The following SRGAP1 variants were observed in gnomAD, a reference collection of about 807,000 sequenced individuals.
SRGAP1 encodes SLIT-ROBO Rho GTPase-activating protein 1.
SRGAP1 carries 43 observed loss-of-function variants against 121.9 expected under a neutral mutation model. That is an observed-to-expected ratio of 0.35 (90% CI 0.28 to 0.46). The LOEUF is 0.46. Among genes scored for constraint, SRGAP1 ranks in the 20% least tolerant of loss-of-function variants. The pLI, the probability that SRGAP1 is intolerant of heterozygous loss-of-function variation, is 1.00. For synonymous variants in SRGAP1, 447 were observed against 485.4 expected, an observed-to-expected ratio of 0.92 and a Z score of 1.04; for missense variants, 1,102 against 1,350.9, an observed-to-expected ratio of 0.82 and a Z score of 2.89.
At chr12:63,853,613 C>T (rs1461018868) in intron 1 of SRGAP1, among the ~76,000 whole-genome samples, 1 of 152,190 alleles carries the variant, frequency 6.6e-6, no homozygotes, top group East Asian at 1.9e-4. Flanking sequence ...TGAGCACCTA[C>T]AGTGAGCCAG....
chr12:63,937,929 G>T (rs1031684213), intron 1 of SRGAP1, among the ~76,000 whole-genome samples: 17 of 152,232 alleles, frequency 1.1e-4, no homozygotes, highest in African/African-American at 4.1e-4. Context: ...CCGTGGCACG[G>T]TTGGCCTGGA....
intron 1 of SRGAP1, among the ~76,000 whole-genome samples, chr12:63,850,392 A>T (rs1269987532): frequency 1.3e-5 from 2 of 151,616 alleles, no homozygotes; most frequent in Non-Finnish European, 2.9e-5. Context: ...GACAGCTTCA[A>T]GTCTGTTCTA....
chr12:64,092,990 C>T (rs967653549), intron 12 of SRGAP1, among the ~76,000 whole-genome samples: 2 of 152,178 alleles, frequency 1.3e-5, no homozygotes, highest in African/African-American at 2.4e-5. Context: ...GAGCTCTTCA[C>T]AGCCCAGATG....
At chr12:64,139,958 A>G (rs2036930392) in intron 21 of SRGAP1, among the ~76,000 whole-genome samples, 1 of 151,758 alleles carries the variant, frequency 6.6e-6, no homozygotes, top group South Asian at 2.1e-4. Flanking sequence ...CTTTCTCCAT[A>G]TGGCTAGCCA....
At chr12:63,895,008 G>A (rs1900709398) in intron 1 of SRGAP1, among the ~76,000 whole-genome samples, 1 of 152,258 alleles carries the variant, frequency 6.6e-6, no homozygotes, top group East Asian at 1.9e-4. Context: ...TGGGATGGCT[G>A]GGTCAAATGG....
intron 3 of SRGAP1, among the ~76,000 whole-genome samples, chr12:64,007,288 G>T (rs1177699517): frequency 1.3e-5 from 2 of 152,118 alleles, no homozygotes; most frequent in African/African-American, 4.8e-5. Flanking sequence ...AAGGGCAAGG[G>T]GATAGTTTCG....
chr12:64,034,852 C>A (rs2034862899), intron 4 of SRGAP1, among the ~76,000 whole-genome samples: 1 of 152,124 alleles, frequency 6.6e-6, no homozygotes, highest in African/African-American at 2.4e-5. Context: ...ACTACTCAAA[C>A]TGAATTGTCC....
At chr12:63,976,202 A>T (rs1385935338) in intron 1 of SRGAP1, among the ~76,000 whole-genome samples, 1 of 152,190 alleles carries the variant, frequency 6.6e-6, no homozygotes, top group Non-Finnish European at 1.5e-5. Context: ...CAATTTGCAA[A>T]GCTGACCTGT....
chr12:64,088,039 A>C (rs1056352095), intron 11 of SRGAP1, among the ~76,000 whole-genome samples: 1 of 152,192 alleles, frequency 6.6e-6, no homozygotes, highest in African/African-American at 2.4e-5. Flanking sequence ...GCATTTTTGA[A>C]ATTGAGTTCT....
intron 4 of SRGAP1, among the ~76,000 whole-genome samples, chr12:64,039,948 C>CGTAA (rs10701219): frequency 0.24 from 35,855 of 151,942 alleles, 4,498 homozygotes; most frequent in Non-Finnish European, 0.28. Flanking sequence ...TTTCCAATTA[C>CGTAA]ACACGGCTCA....
Position 64,147,222 on chromosome 12 carries a change from G to T in SRGAP1, c.*4550G>T. On this transcript the variant is annotated 3_prime_UTR_variant, in exon 22 of 22. Transcript: ENST00000355086. ...CTTTCCTGTCGGTTTGATCAATTGC[G>T]GTACCGGTAGCTTCCTGCTTGTGAC... 2.9e-6 allele frequency: 1 copy of T among 342,630 alleles called. No homozygotes were observed. Among genetic ancestry groups the T allele is most frequent in the Non-Finnish European group, 5.3e-6 (1 of 190,364 alleles). The allele number at this position is 342,630 out of a possible 1,614,324, so 21.2% of individuals were successfully genotyped here. A position where few individuals can be genotyped will look rare whatever the true frequency, so the allele number is the denominator to read the frequency against.
chr12:64,139,665 C>T (rs532365822), intron 21 of SRGAP1, among the ~76,000 whole-genome samples: 70 of 151,214 alleles, frequency 4.6e-4, no homozygotes, highest in South Asian at 2.3e-3. Context: ...GAGTAGGTTG[C>T]GAAAATTTTC....
intron 1 of SRGAP1, among the ~76,000 whole-genome samples, chr12:63,922,130 C>A (rs2031081852): frequency 6.6e-6 from 1 of 152,028 alleles, no homozygotes; most frequent in Non-Finnish European, 1.5e-5. Context: ...AGGCGCCCAC[C>A]ACCACACCGG....
chr12:64,046,068 C>T (rs1234541849), intron 6 of SRGAP1, among the ~76,000 whole-genome samples: 1 of 152,136 alleles, frequency 6.6e-6, no homozygotes, highest in African/African-American at 2.4e-5. Context: ...CAATGCCATG[C>T]AGCTATCTGG....
At chr12:64,046,520 A>G (rs950864500) in intron 6 of SRGAP1, among the ~76,000 whole-genome samples, 2 of 152,192 alleles carry the variant, frequency 1.3e-5, no homozygotes, top group African/African-American at 4.8e-5. Flanking sequence ...GGATCAAAAC[A>G]GATTGAAGCT....
intron 1 of SRGAP1, among the ~76,000 whole-genome samples, chr12:63,918,487 G>A (rs561313131): frequency 1.1e-4 from 16 of 152,242 alleles, no homozygotes; most frequent in African/African-American, 3.9e-4. Flanking sequence ...TGCAGTCATG[G>A]TTCACTGCAG....
rs2037166692 is a variant in SRGAP1 at position 64,156,665 on chromosome 12, CAG to C, written c.*13994_*13995del. 6.6e-6 allele frequency: 1 copy of C among 152,122 alleles called. No homozygotes were observed. The highest frequency in any genetic ancestry group is 2.1e-4 in the South Asian group (1 of 4,818). 9.4% of individuals were successfully genotyped at this position (152,122 alleles called of 1,614,324 possible). ...TCTAGCCTTATTACACCGAGTACAA[CAG>C]GGAATAATAAGCCATCTATCTGAAC... On this transcript the variant is annotated 3_prime_UTR_variant, in exon 22 of 22. Coordinates refer to ENST00000355086, the MANE Select transcript of SRGAP1 (RefSeq NM_020762.4).
At chr12:64,098,381 G>T (rs1389889063) in intron 15 of SRGAP1, among the ~76,000 whole-genome samples, 1 of 151,758 alleles carries the variant, frequency 6.6e-6, no homozygotes, top group Non-Finnish European at 1.5e-5. Flanking sequence ...AAAAAACTGG[G>T]TTGCTTGCTT....
chr12:64,160,967 C>T lies in SRGAP1; in HGVS notation c.*18295C>T, dbSNP rs1468857467. The T allele has an allele frequency of 6.6e-6, 1 of 152,028 alleles. No individual in the cohort carries two copies. Among genetic ancestry groups the T allele is most frequent in the Non-Finnish European group, 1.5e-5 (1 of 67,988 alleles). The allele number at this position is 152,028 out of a possible 1,614,324, so 9.4% of individuals were successfully genotyped here. On this transcript the variant is annotated 3_prime_UTR_variant, in exon 22 of 22. Transcript: ENST00000355086. ...TTACTTTGTATGTTCTTTTTTTTCC[C>T]TATACATAATTTACTATTGCATGTT... is the stretch of plus-strand genomic sequence containing the variant.
Sources: allele counts gnomAD v4.1 joint callset (sites outside exome capture counted in the v4.1 genomes callset), GRCh38; gene constraint gnomAD v4.1.1; transcripts MANE v1.5; gene names NCBI Gene and HGNC (gene_info 2026-07-23, HGNC 2026-07-21).